ADGRG4: variants seen among roughly 807,000 people sequenced by gnomAD.
The protein encoded by ADGRG4 is adhesion G protein-coupled receptor G4, also known as G protein-coupled receptor 112.
ADGRG4 carries 122 observed loss-of-function variants against 126.2 expected under a neutral mutation model. The ratio of observed to expected loss-of-function variants is 0.97; its 90% CI spans 0.83 to 1.12. ADGRG4 has a LOEUF of 1.12. ADGRG4 is among the 50% of genes most tolerant of loss of function. ADGRG4 has a pLI of 0.00. For missense variants in ADGRG4, 2,481 were observed against 2,251.8 expected (o/e 1.10, Z -2.06); for synonymous variants, 943 against 838.7 (o/e 1.12, Z -2.15).
At chrX:136,304,720 A>G (rs1185298103) in intron 2 of ADGRG4, 135 bp from the exon 3 acceptor site, 4 of 112,351 alleles carry the variant, frequency 3.6e-5, no homozygotes, top group African/African-American at 9.7e-5. Context: ...CCACTGGAGA[A>G]CATAGAGTTC....
chrX:136,324,556 T>G, intron 5 of ADGRG4, among the ~76,000 whole-genome samples: 1 of 111,388 alleles, frequency 9.0e-6, no homozygotes, highest in Non-Finnish European at 1.9e-5. Context: ...GGATAACAGG[T>G]GTAAGCCACC....
At chrX:136,302,264 A>C (rs2074705701) in intron 1 of ADGRG4, among the ~76,000 whole-genome samples, 1 of 111,538 alleles carries the variant, frequency 9.0e-6, no homozygotes, top group Non-Finnish European at 1.9e-5. Context: ...TTCACTGAGC[A>C]ATGGTTTGTG....
intron 15 of ADGRG4, among the ~76,000 whole-genome samples, chrX:136,379,954 AT>A (rs952192483): frequency 9.0e-6 from 1 of 111,628 alleles, no homozygotes; most frequent in Non-Finnish European, 1.9e-5. Flanking sequence ...GAATTTGCTA[AT>A]TTTTTAGGGC....
chrX:136,370,858 A>G (rs1324951892), intron 13 of ADGRG4, among the ~76,000 whole-genome samples: 1 of 111,936 alleles, frequency 8.9e-6, no homozygotes. Context: ...AATCTAAATT[A>G]ACTGCTTTTT....
chrX:136,359,774 C>T (rs1288465295), intron 11 of ADGRG4, among the ~76,000 whole-genome samples: 1 of 111,592 alleles, frequency 9.0e-6, no homozygotes, highest in Non-Finnish European at 1.9e-5. Flanking sequence ...CTCATTAACA[C>T]ACAATAAATG....
chrX:136,342,999 G>A (rs1230399293), intron 5 of ADGRG4, among the ~76,000 whole-genome samples: 3 of 107,599 alleles, frequency 2.8e-5, no homozygotes, highest in Non-Finnish European at 5.8e-5. Flanking sequence ...ATTAGAGGGG[G>A]TCCAAGAGTA....
chrX:136,322,918 T>C lies in ADGRG4; in HGVS notation c.211T>C (p.Trp71Arg). 8.3e-7 allele frequency: 1 copy of C among 1,211,612 alleles called. No individual in the cohort carries two copies. The highest frequency in any genetic ancestry group is 1.1e-6 in the Non-Finnish European group (1 of 895,249). ...LVFMDDNSRY[W>R]MAFSYITNNA... ...ATTCATGGATGACAACTCAAGGTAT[T>C]GGATGGCCTTCTCTTATATTACTAA... The change falls in exon 5 of 26, where the codon TGG (tryptophan) becomes CGG (arginine). Residue 71 changes from tryptophan to arginine, a missense_variant. Trp to Arg is a moderately radical substitution (Grantham distance 101). Coordinates refer to ENST00000394143, the MANE Select transcript of ADGRG4 (RefSeq NM_153834.4).
chrX:136,345,855 A>C lies in ADGRG4; in HGVS notation c.2149A>C (p.Asn717His). 8.3e-7 allele frequency: 1 copy of C among 1,211,335 alleles called. No homozygotes were observed. The highest frequency in any genetic ancestry group is 1.1e-6 in the Non-Finnish European group (1 of 895,066). Residue 717 changes from asparagine (N) to histidine (H), a missense_variant, in exon 6 of 26, where the codon AAT (asparagine) becomes CAT (histidine). Physicochemically the swap from Asn to His is moderately conservative, Grantham distance 68 (BLOSUM62 1). Coordinates refer to ENST00000394143, the MANE Select transcript of ADGRG4 (RefSeq NM_153834.4). ...ASPEGKGTTA[N>H]DATTARYTTA... The stretch of plus-strand genomic sequence containing the variant: ...TCCAGAGGGCAAAGGTACCACTGCC[A>C]ATGATGCTACTACAGCCAGATATAC...
chrX:136,304,390 A>T (rs1214800535), intron 2 of ADGRG4, among the ~76,000 whole-genome samples, 183 bp downstream of exon 2: 1 of 112,414 alleles, frequency 8.9e-6, no homozygotes, highest in East Asian at 2.8e-4. Context: ...GTTCAGTGAA[A>T]ACTGAGGTTT....
intron 15 of ADGRG4, among the ~76,000 whole-genome samples, chrX:136,383,770 T>C (rs1089820): frequency 0.34 from 37,346 of 109,413 alleles, 5,051 homozygotes; most frequent in Non-Finnish European, 0.4. Flanking sequence ...TTTATTATAG[T>C]TGCTTTTTAA....
At chrX:136,341,385 A>G (rs1405607285) in intron 5 of ADGRG4, among the ~76,000 whole-genome samples, 2 of 112,408 alleles carry the variant, frequency 1.8e-5, no homozygotes, top group East Asian at 5.6e-4. Context: ...TTCTCTCAAC[A>G]ATTAGTGCAT....
At chrX:136,397,801 C>T in intron 19 of ADGRG4, 80 bp from the exon 20 acceptor site, 1 of 987,767 alleles carries the variant, frequency 1.0e-6, no homozygotes, top group Non-Finnish European at 1.4e-6. Context: ...CTGGGAACTT[C>T]CTGTTAGTGA....
At position 136,346,781 on chromosome X, in the gene ADGRG4, G is replaced by A. The variant is rs2075020470; in HGVS notation, c.3075G>A (p.Val1025=). 8.3e-7 allele frequency: 1 copy of A among 1,211,221 alleles called. No individual in the cohort carries two copies. ...TGCCAGTTAATGGCAGTTCTGTGGT[G>A]GCTGAGGAGACTGAGGTTACCATGT... ...FSLPVNGSSV[V]AEETEVTMSE... is the part of the protein sequence containing the mutation. The change falls in exon 6 of 26, where the codon GTG becomes GTA. Residue 1025 remains valine, a synonymous_variant. Coordinates refer to ENST00000394143, the MANE Select transcript of ADGRG4 (RefSeq NM_153834.4).
At chrX:136,319,478 G>A (rs969015854) in intron 4 of ADGRG4, among the ~76,000 whole-genome samples, 1 of 112,025 alleles carries the variant, frequency 8.9e-6, no homozygotes, top group Non-Finnish European at 1.9e-5. Flanking sequence ...GCATGGAGAA[G>A]TGATATGAGC....
chrX:136,380,598 CTCCTCCTCTTCT>C (rs1373400229), intron 15 of ADGRG4, among the ~76,000 whole-genome samples: 36 of 70,899 alleles, frequency 5.1e-4, no homozygotes, highest in East Asian at 2.2e-3. Context: ...CCTCCTCCTC[CTCCTCCTCTTCT>C]TCTTCTTCTT....
Position 136,323,015 on chromosome X carries a change from G to T in ADGRG4, c.308G>T (p.Arg103Ile), listed in dbSNP as rs1240928860. ...AGDHQQLILY[R>I]LGKTFSIRHH... is the part of the protein sequence containing the mutation. ...GACCATCAGCAGCTAATACTATACAGATTGGGAAAGACCTTTTCTATCCGT... is the reference window on the plus strand; with the variant it reads ...GACCATCAGCAGCTAATACTATACATATTGGGAAAGACCTTTTCTATCCGT... The change falls in exon 5 of 26, where the codon AGA becomes ATA. Residue 103 changes from arginine to isoleucine, a missense_variant. Arg to Ile is a moderately conservative substitution (Grantham distance 97). Transcript: ENST00000394143. 4.1e-6 allele frequency: 5 copies of T among 1,211,732 alleles called. No homozygotes were observed. The highest frequency in any genetic ancestry group is 5.6e-6 in the Non-Finnish European group (5 of 895,477).
intron 9 of ADGRG4, 93 bp from the exon 10 acceptor site, chrX:136,357,611 T>C: frequency 1.6e-6 from 1 of 611,842 alleles, no homozygotes; most frequent in South Asian, 2.9e-5. Context: ...ATGTGAAGCA[T>C]AATTATATAA....
Position 136,397,984 on chromosome X carries a change from T to A in ADGRG4, c.8288T>A (p.Val2763Glu). The change falls in exon 20 of 26, where the codon GTG (valine) becomes GAG (glutamate). Residue 2763 changes from valine to glutamate, a missense_variant. Physicochemically the swap from Val to Glu is moderately radical, Grantham distance 121. Transcript: ENST00000394143. Reference sequence around the variant, plus strand: ...TCCATTTTTCTGGGAGTTGCAGTGGTGACATACATAGCTTTTCAGTAAGTT... The same window carrying A: ...TCCATTTTTCTGGGAGTTGCAGTGGAGACATACATAGCTTTTCAGTAAGTT... ...ISSIFLGVAV[V>E]TYIAFHKLRK... The A allele has an allele frequency of 8.3e-7, 1 of 1,208,088 alleles. No individual in the cohort carries two copies. Among genetic ancestry groups the A allele is most frequent in the Non-Finnish European group, 1.1e-6 (1 of 892,114 alleles).
chrX:136,373,155 G>T (rs960601041), intron 15 of ADGRG4, 91 bp downstream of exon 15: 1 of 836,364 alleles, frequency 1.2e-6, no homozygotes, highest in South Asian at 2.9e-5. Flanking sequence ...AGGGCACTCC[G>T]TTATGGTTTT....
Sources: allele counts gnomAD v4.1 joint callset (sites outside exome capture counted in the v4.1 genomes callset), GRCh38; gene constraint gnomAD v4.1.1; transcripts MANE v1.5; gene names NCBI Gene and HGNC (gene_info 2026-07-23, HGNC 2026-07-21).